The following SMAD3 variants were observed in gnomAD, a reference collection of about 807,000 sequenced individuals.
SMAD3 encodes the protein SMAD family member 3, also known as MAD homolog 3.
In SMAD3, 12 loss-of-function variants were observed where a neutral mutation model predicts 51.8. The observed-to-expected ratio is 0.23, with a 90% CI of 0.15 to 0.38. The LOEUF is 0.38. Among genes scored for constraint, SMAD3 ranks in the 10% least tolerant of loss-of-function variants. The probability of loss-of-function intolerance (pLI) is 1.00; values close to 1 mark genes in which losing one functional copy is unlikely to be tolerated. For missense variants in SMAD3, 294 were observed against 565.6 expected (o/e 0.52, Z 4.87); for synonymous variants, 238 against 227.7 (o/e 1.05, Z -0.41).
At chr15:67,124,933 T>C (rs932377984) in intron 1 of SMAD3, among the ~76,000 whole-genome samples, 1 of 152,214 alleles carries the variant, frequency 6.6e-6, no homozygotes, top group African/African-American at 2.4e-5. Flanking sequence ...AGGGCTCCTG[T>C]CTCTTAGCAA....
chr15:67,149,173 C>T (rs1308695558), intron 1 of SMAD3, among the ~76,000 whole-genome samples: 1 of 152,228 alleles, frequency 6.6e-6, no homozygotes, highest in Non-Finnish European at 1.5e-5. Context: ...CCCACCTGCA[C>T]CTCAGCGCAC....
chr15:67,124,614 T>G (rs1343402443), intron 1 of SMAD3, among the ~76,000 whole-genome samples: 1 of 152,248 alleles, frequency 6.6e-6, no homozygotes, highest in African/African-American at 2.4e-5. Context: ...CATTACCACG[T>G]CACACAGCTG....
chr15:67,137,558 A>G (rs1397165253), intron 1 of SMAD3, among the ~76,000 whole-genome samples: 4 of 152,086 alleles, frequency 2.6e-5, no homozygotes, highest in Admixed American at 2.0e-4. Flanking sequence ...AGTGACTTTC[A>G]TGGTCTGCAG....
chr15:67,088,122 A>T (rs1034003382), intron 1 of SMAD3, among the ~76,000 whole-genome samples: 1 of 152,218 alleles, frequency 6.6e-6, no homozygotes, highest in Non-Finnish European at 1.5e-5. Context: ...TCTCACCTTT[A>T]TCGCAGGAGG....
In SMAD3 at chr15:67,138,232, C is replaced by G. The variant is rs1961719117; in HGVS notation, c.207-26663C>G. ...CTTTCTCTGGGTGGGGATGTGGACT[C>G]TTAGGATGTCAGGAAGCAACTGTAG... On this transcript the variant is annotated intron_variant, in intron 1 of 8. Coordinates refer to ENST00000327367, the MANE Select transcript of SMAD3 (RefSeq NM_005902.4). The G allele has an allele frequency of 1.0e-5, 7 of 692,172 alleles. 1 individual carries two copies. In the South Asian group the frequency reaches 1.2e-4, roughly 12 times the overall value. 42.9% of individuals were successfully genotyped at this position (692,172 alleles called of 1,614,324 possible).
chr15:67,097,172 AT>A (rs1365840313), intron 1 of SMAD3, among the ~76,000 whole-genome samples: 6 of 151,928 alleles, frequency 3.9e-5, no homozygotes, highest in South Asian at 4.2e-4. Context: ...GTCAAATCTT[AT>A]CTCCATCTCT....
Position 67,193,124 on chromosome 15 carries a change from T to C in SMAD3, c.*2588T>C, listed in dbSNP as rs1252668167. 4 of 233,178 alleles carry C rather than the reference T, an allele frequency of 1.7e-5. No individual in the cohort carries two copies. Among genetic ancestry groups the C allele is most frequent in the Admixed American group, 1.1e-4 (2 of 17,782 alleles). The allele number at this position is 233,178 out of a possible 1,614,324, so 14.4% of individuals were successfully genotyped here. On this transcript the variant is annotated 3_prime_UTR_variant, in exon 9 of 9. Coordinates refer to ENST00000327367, the MANE Select transcript of SMAD3 (RefSeq NM_005902.4). ...GTCCTTCCTTGAAGCCACAAGCTAG[T>C]TTTCTTAGTTTTAAAATCCTGTTGT...
At chr15:67,106,739 G>A (rs972233201) in intron 1 of SMAD3, among the ~76,000 whole-genome samples, 14 of 152,138 alleles carry the variant, frequency 9.2e-5, no homozygotes, top group African/African-American at 1.7e-4. Context: ...CCTGCTCTCC[G>A]TTACCCGCGT....
chr15:67,157,032 C>G (rs1962301087), intron 1 of SMAD3, among the ~76,000 whole-genome samples: 1 of 152,208 alleles, frequency 6.6e-6, no homozygotes, highest in Non-Finnish European at 1.5e-5. Context: ...GTGACTAATT[C>G]ACTCTGTCAC....
At chr15:67,158,080 A>G (rs1307624554) in intron 1 of SMAD3, among the ~76,000 whole-genome samples, 1 of 152,094 alleles carries the variant, frequency 6.6e-6, no homozygotes, top group Non-Finnish European at 1.5e-5. Flanking sequence ...GGCTGGGAGG[A>G]AGGGCTGGGC....
chr15:67,165,141 C>G, intron 2 of SMAD3, 53 bp downstream of exon 2: 4 of 1,606,562 alleles, frequency 2.5e-6, no homozygotes, highest in Non-Finnish European at 3.4e-6. Context: ...GTCATCACCT[C>G]TCCCCGGCTC....
chr15:67,130,423 C>T (rs980731462), intron 1 of SMAD3, among the ~76,000 whole-genome samples: 1 of 152,144 alleles, frequency 6.6e-6, no homozygotes, highest in African/African-American at 2.4e-5. Flanking sequence ...GGCAAGTGAG[C>T]ATTACGGCCA....
chr15:67,096,600 G>C (rs976749556), intron 1 of SMAD3, among the ~76,000 whole-genome samples: 4 of 150,514 alleles, frequency 2.7e-5, no homozygotes, highest in Admixed American at 2.6e-4. Context: ...GACTGTGGAG[G>C]AAAGAGAAAA....
chr15:67,091,646 G>T (rs1960511180), intron 1 of SMAD3, among the ~76,000 whole-genome samples: 1 of 152,098 alleles, frequency 6.6e-6, no homozygotes, highest in Admixed American at 6.5e-5. Flanking sequence ...TGTACATTTG[G>T]TGTCTGTTTT....
intron 1 of SMAD3, among the ~76,000 whole-genome samples, chr15:67,079,968 A>G (rs1960247608): frequency 6.6e-6 from 1 of 152,228 alleles, no homozygotes; most frequent in African/African-American, 2.4e-5. Flanking sequence ...TACACCTTCT[A>G]GAATCTAGGG....
intron 8 of SMAD3, 54 bp downstream of exon 8, chr15:67,187,563 C>G: frequency 6.3e-7 from 1 of 1,599,608 alleles, no homozygotes; most frequent in Non-Finnish European, 8.6e-7. Context: ...TGACTCTGGA[C>G]AGCAGAGCAG....
intron 4 of SMAD3, among the ~76,000 whole-genome samples, chr15:67,168,808 G>C (rs927755022): frequency 2.0e-5 from 3 of 152,232 alleles, no homozygotes; most frequent in Non-Finnish European, 4.4e-5. Flanking sequence ...TGTGTGGGTG[G>C]GGGCTCTCCT....
chr15:67,170,242 A>T (rs1367906339), intron 4 of SMAD3, among the ~76,000 whole-genome samples: 1 of 152,192 alleles, frequency 6.6e-6, no homozygotes, highest in Non-Finnish European at 1.5e-5. Flanking sequence ...CACTTATTCT[A>T]GTTGAGAATT....
intron 1 of SMAD3, among the ~76,000 whole-genome samples, chr15:67,072,134 T>A (rs911698820): frequency 3.3e-5 from 5 of 152,206 alleles, no homozygotes; most frequent in African/African-American, 1.2e-4. Flanking sequence ...TCCAACTAAA[T>A]GAGTTAAAAA....
Sources: gnomAD v4.1 joint callset for allele counts (sites outside exome capture counted in the v4.1 genomes callset) on GRCh38, gnomAD v4.1.1 for gene constraint, MANE v1.5 for transcripts, NCBI Gene and HGNC (gene_info 2026-07-23, HGNC 2026-07-21) for gene names.